The following BACH2 variants were observed in gnomAD, a reference collection of about 807,000 sequenced individuals.
The protein encoded by BACH2 is transcription regulator protein BACH2.
A neutral mutation model predicts 61.8 loss-of-function variants in BACH2; 5 were observed. The observed-to-expected ratio is 0.08, with a 90% CI of 0.04 to 0.17. The LOEUF (loss-of-function observed/expected upper bound fraction) is 0.17, where lower values mean the gene tolerates loss of function less well. Ranked by LOEUF, BACH2 falls within the 10% of genes least tolerant of loss-of-function variation. The probability of loss-of-function intolerance (pLI) is 1.00; values close to 1 mark genes in which losing one functional copy is unlikely to be tolerated. For missense variants in BACH2, 824 were observed against 1,091.1 expected (o/e 0.76, Z 3.45); for synonymous variants, 446 against 440.1 (o/e 1.01, Z -0.17).
At chr6:90,287,275 T>C (rs759555900) in intron 1 of BACH2, among the ~76,000 whole-genome samples, 3 of 152,374 alleles carry the variant, frequency 2.0e-5, no homozygotes, top group African/African-American at 2.4e-5. Flanking sequence ...ACCACTATGC[T>C]TGTGGTATGT....
chr6:90,261,567 T>C (rs1197565821), intron 2 of BACH2, among the ~76,000 whole-genome samples: 1 of 152,110 alleles, frequency 6.6e-6, no homozygotes, highest in Non-Finnish European at 1.5e-5. Context: ...GTATTCAACA[T>C]TCTTGACTAC....
chr6:90,214,573 A>G (rs1769465539), intron 3 of BACH2, among the ~76,000 whole-genome samples: 2 of 152,124 alleles, frequency 1.3e-5, no homozygotes, highest in Non-Finnish European at 1.5e-5. Flanking sequence ...ACAAGCTATA[A>G]GTAGGATGTT....
intron 6 of BACH2, among the ~76,000 whole-genome samples, chr6:89,993,491 C>T (rs981068096): frequency 2.0e-5 from 3 of 151,806 alleles, no homozygotes; most frequent in African/African-American, 7.3e-5. Context: ...CAAGGAAAAC[C>T]CTGGCAATCC....
chr6:89,932,608 G>T lies in BACH2; in HGVS notation c.2326C>A (p.Pro776Thr), dbSNP rs200671083. The T allele has an allele frequency of 6.3e-5, 102 of 1,613,698 alleles. No individual in the cohort carries two copies. Among genetic ancestry groups the T allele is most frequent in the Admixed American group, 3.8e-4 (23 of 59,988 alleles). The change falls in exon 9 of 9, where the codon CCC becomes ACC. Residue 776 changes from proline to threonine, a missense_variant. By Grantham distance (38) the Pro-to-Thr change is conservative (BLOSUM62 -1). Around this residue, in one of 8 missense-constraint regions of BACH2, gnomAD observed 135 missense variants for 142.7 expected, o/e 0.95. Coordinates refer to ENST00000257749, the MANE Select transcript of BACH2 (RefSeq NM_021813.4). ...VPCCLEPGAA[P>T]PGPPWAPSNT... ...CTGGGTGCCCAGGGGGGTCCGGGGG[G>T]AGCCGCGCCTGGCTCCAAGCAGCAG... is the stretch of plus-strand genomic sequence containing the variant.
chr6:90,026,669 G>A (rs538607511), intron 5 of BACH2, among the ~76,000 whole-genome samples: 13 of 152,134 alleles, frequency 8.5e-5, no homozygotes, highest in African/African-American at 3.1e-4. Flanking sequence ...CTGTTCATCC[G>A]CCTGATCTCT....
chr6:90,083,020 A>T (rs1582329470), intron 5 of BACH2, among the ~76,000 whole-genome samples: 1 of 152,196 alleles, frequency 6.6e-6, no homozygotes, highest in African/African-American at 2.4e-5. Context: ...AGAAGAGCAG[A>T]AGTGCTTTTC....
intron 6 of BACH2, among the ~76,000 whole-genome samples, chr6:89,953,635 C>A (rs1252109161): frequency 1.3e-5 from 2 of 152,214 alleles, no homozygotes; most frequent in Non-Finnish European, 2.9e-5. Flanking sequence ...TGTAACCTTG[C>A]ATCTAATCTA....
intron 4 of BACH2, among the ~76,000 whole-genome samples, chr6:90,169,507 C>T (rs1562485116): frequency 1.3e-5 from 2 of 152,164 alleles, no homozygotes; most frequent in Admixed American, 6.5e-5. Context: ...CCACTTCCTG[C>T]GGGTAGCCAC....
chr6:90,203,601 G>A (rs1466153325), intron 4 of BACH2, among the ~76,000 whole-genome samples: 3 of 151,936 alleles, frequency 2.0e-5, no homozygotes, highest in South Asian at 2.1e-4. Context: ...ATTTACAATG[G>A]TTGTCAGAAT....
chr6:90,042,679 T>A (rs1416223619), intron 5 of BACH2, among the ~76,000 whole-genome samples: 2 of 152,192 alleles, frequency 1.3e-5, no homozygotes, highest in African/African-American at 4.8e-5. Flanking sequence ...GGACAAGTCA[T>A]ACAAACCATA....
intron 2 of BACH2, among the ~76,000 whole-genome samples, chr6:90,254,947 G>A (rs1025914675): frequency 2.6e-5 from 4 of 152,012 alleles, no homozygotes; most frequent in South Asian, 2.1e-4. Flanking sequence ...CTCCATTAAC[G>A]CTCCAAAATA....
intron 4 of BACH2, among the ~76,000 whole-genome samples, chr6:90,138,987 T>C (rs1022748293): frequency 6.6e-6 from 1 of 152,150 alleles, no homozygotes; most frequent in African/African-American, 2.4e-5. Context: ...AGGTTCATCT[T>C]TTTGAAGGAT....
chr6:90,218,931 G>GTGTGTGTGTC (rs1338957238), intron 3 of BACH2, among the ~76,000 whole-genome samples: 2 of 150,760 alleles, frequency 1.3e-5, no homozygotes, highest in African/African-American at 4.9e-5. Context: ...GTGTGTGTGT[G>GTGTGTGTGTC]TGTGTGTGTG....
chr6:90,259,511 G>A (rs1398637193), intron 2 of BACH2, among the ~76,000 whole-genome samples: 1 of 152,184 alleles, frequency 6.6e-6, no homozygotes. Flanking sequence ...ATATTCATCA[G>A]AGAAATTGGG....
intron 5 of BACH2, among the ~76,000 whole-genome samples, chr6:90,034,748 T>C (rs927230504): frequency 1.3e-5 from 2 of 152,140 alleles, no homozygotes; most frequent in African/African-American, 2.4e-5. Context: ...TATATTAATG[T>C]CTCTCTTTGA....
intron 6 of BACH2, among the ~76,000 whole-genome samples, chr6:89,986,741 C>A (rs1248583506): frequency 2.0e-5 from 3 of 152,312 alleles, no homozygotes; most frequent in East Asian, 1.9e-4. Context: ...CCATCACCCA[C>A]TCAGAACCTA....
intron 3 of BACH2, among the ~76,000 whole-genome samples, chr6:90,237,445 C>T (rs1770297452): frequency 6.6e-6 from 1 of 152,182 alleles, no homozygotes; most frequent in Non-Finnish European, 1.5e-5. Flanking sequence ...CTATTTCCTG[C>T]CACTTTACTT....
At chr6:90,263,952 G>C (rs2127877161) in intron 2 of BACH2, among the ~76,000 whole-genome samples, 1 of 152,222 alleles carries the variant, frequency 6.6e-6, no homozygotes, top group East Asian at 1.9e-4. Flanking sequence ...GTATTTACAG[G>C]CTGAAAAGCT....
At chr6:90,285,866 C>T (rs775234430) in intron 1 of BACH2, among the ~76,000 whole-genome samples, 1 of 152,166 alleles carries the variant, frequency 6.6e-6, no homozygotes, top group Non-Finnish European at 1.5e-5. Context: ...AAATTACTCT[C>T]GTGTACTTGA....
Sources: gnomAD v4.1 joint callset for allele counts (sites outside exome capture counted in the v4.1 genomes callset) on GRCh38, gnomAD v4.1.1 for gene constraint, gnomAD v4.1.1 regional missense constraint, MANE v1.5 for transcripts, NCBI Gene and HGNC (gene_info 2026-07-23, HGNC 2026-07-21) for gene names.